The following PTPRU variants were observed in gnomAD, a reference collection of about 807,000 sequenced individuals.
PTPRU encodes protein tyrosine phosphatase receptor type U.
PTPRU carries 69 observed loss-of-function variants against 166.3 expected under a neutral mutation model. The ratio of observed to expected loss-of-function variants is 0.41; its 90% CI spans 0.34 to 0.51. PTPRU has a LOEUF of 0.51. Among genes scored for constraint, PTPRU ranks in the 20% least tolerant of loss-of-function variants. The pLI is 0.09. For synonymous variants in PTPRU, 793 were observed against 814.0 expected, an observed-to-expected ratio of 0.97 and a Z score of 0.44; for missense variants, 1,657 against 2,013.7, an observed-to-expected ratio of 0.82 and a Z score of 3.39.
At position 29,271,771 on chromosome 1, in the gene PTPRU, C is replaced by T. The variant is rs928629861; in HGVS notation, c.1145-3677C>T. ...TTTGCCGTGGTCTTTACCCAGCATACGTCCCCCGTTTACATGGAACTTCTC... is the reference window on the plus strand; with the variant it reads ...TTTGCCGTGGTCTTTACCCAGCATATGTCCCCCGTTTACATGGAACTTCTC... On this transcript the variant is annotated intron_variant, in intron 7 of 29. Coordinates refer to ENST00000373779, the MANE Select transcript of PTPRU (RefSeq NM_133178.4). The surrounding 1 kb of genome is among the most constrained non-coding windows in gnomAD (Gnocchi z 4.4). Among the ~76,000 whole-genome samples, 2 of 152,156 alleles carry T rather than the reference C, an allele frequency of 1.3e-5. No homozygotes were observed. Among genetic ancestry groups the T allele is most frequent in the African/African-American group, 2.4e-5 (1 of 41,416 alleles).
At chr1:29,267,764 A>T (rs1685368029) in intron 7 of PTPRU, among the ~76,000 whole-genome samples, 1 of 152,210 alleles carries the variant, frequency 6.6e-6, no homozygotes, top group South Asian at 2.1e-4. Flanking sequence ...AGTGAGCATC[A>T]TCTACTTTTG....
At chr1:29,305,472 G>C in intron 18 of PTPRU, 44 bp downstream of exon 18, 1 of 1,573,410 alleles carries the variant, frequency 6.4e-7, no homozygotes, top group Non-Finnish European at 8.7e-7. Flanking sequence ...GGCCCTGCCC[G>C]CTCCAGGCTT....
At chr1:29,305,610 G>A (rs1687356372) in intron 18 of PTPRU, 182 bp downstream of exon 18, 1 of 777,938 alleles carries the variant, frequency 1.3e-6, no homozygotes, top group Non-Finnish European at 2.3e-6. Flanking sequence ...AGCAGCTTCT[G>A]GAAGGCTTTC....
intron 7 of PTPRU, among the ~76,000 whole-genome samples, chr1:29,269,219 C>CATAT (rs1239721913): frequency 8.5e-3 from 361 of 42,362 alleles, no homozygotes; most frequent in East Asian, 0.014. Context: ...AATTTATATA[C>CATAT]ATATATATAT....
Position 29,316,072 on chromosome 1 carries a change from G to A in PTPRU, c.3434G>A (p.Ser1145Asn). 1 of 1,614,180 alleles carries A rather than the reference G, an allele frequency of 6.2e-7. No individual in the cohort carries two copies. The highest frequency in any genetic ancestry group is 8.5e-7 in the Non-Finnish European group (1 of 1,180,016). The change falls in exon 24 of 30, where the codon AGT becomes AAT. Residue 1145 changes from serine to asparagine, a missense_variant. This residue lies in a region of PTPRU where 1,190 missense variants were observed against 1,477.4 expected (regional missense o/e 0.81). Transcript: ENST00000373779. Reference sequence around the variant, plus strand: ...TGTGGGGAGACCACCATCCCTGTCAGTGAGTTCAAGGCCACCTACAAGGAG... The same window carrying A: ...TGTGGGGAGACCACCATCCCTGTCAATGAGTTCAAGGCCACCTACAAGGAG... ...CLCGETTIPV[S>N]EFKATYKEMI...
Position 29,320,557 on chromosome 1 carries a change from C to A in PTPRU, c.3688-128C>A. 1 of 1,127,250 alleles carries A rather than the reference C, an allele frequency of 8.9e-7. No individual in the cohort carries two copies. The highest frequency in any genetic ancestry group is 1.2e-6 in the Non-Finnish European group (1 of 840,712). 69.8% of individuals were successfully genotyped at this position (1,127,250 alleles called of 1,614,324 possible). A position where few individuals can be genotyped will look rare whatever the true frequency, so the allele number is the denominator to read the frequency against. ...AACATCAGAAATGGCCCACTGGAGG[C>A]AGCCTGGTCCTGTGGGGCACAACCG... On this transcript the variant is annotated intron_variant, in intron 25 of 29. Transcript: ENST00000373779. The surrounding 1 kb of genome is among the most constrained non-coding windows in gnomAD (Gnocchi z 5.2).
chr1:29,306,919 A>G (rs144688378), intron 18 of PTPRU, among the ~76,000 whole-genome samples: 1 of 152,214 alleles, frequency 6.6e-6, no homozygotes, highest in Non-Finnish European at 1.5e-5. Flanking sequence ...TGGTCTTGCC[A>G]AGGTCCCAGT....
intron 1 of PTPRU, among the ~76,000 whole-genome samples, chr1:29,240,709 C>T (rs1394228086): frequency 6.6e-6 from 1 of 152,172 alleles, no homozygotes; most frequent in African/African-American, 2.4e-5. Flanking sequence ...GCCCTTCCAG[C>T]CCCCAGTCTC....
Position 29,260,746 on chromosome 1 carries a change from G to A in PTPRU, c.987G>A (p.Gly329=), listed in dbSNP as rs573346927. 2.5e-4 allele frequency: 395 copies of A among 1,611,854 alleles called. 5 individuals carry two copies. The South Asian group carries it at 4.1e-3, about 17-fold the overall frequency. Residue 329 remains glycine, a synonymous_variant, in exon 7 of 30, where the codon GGG becomes GGA. Transcript: ENST00000373779. The surrounding 1 kb of genome is among the most constrained non-coding windows in gnomAD (Gnocchi z 8.3). ...RKEIEYRMAR[G]PWAEVHAVSL... Reference sequence around the variant, plus strand: ...AGATTGAGTACCGCATGGCGCGCGGGCCCTGGGCTGAGGTGCACGCCGTCA... The same window carrying A: ...AGATTGAGTACCGCATGGCGCGCGGACCCTGGGCTGAGGTGCACGCCGTCA...
In PTPRU at chr1:29,304,848, C is replaced by T. The variant is rs372729717; in HGVS notation, c.2742C>T (p.Ala914=). ...VKGSRQEPMP[A]YDRHRVKLHP... ...GCAGCCGGCAGGAGCCAATGCCTGC[C>T]TGTGAGTCCTGGGGAAGGGCCTGGG... The change falls in exon 17 of 30, where the codon GCC becomes GCT. Residue 914 remains alanine (A), a splice_region_variant and synonymous_variant. Coordinates refer to ENST00000373779, the MANE Select transcript of PTPRU (RefSeq NM_133178.4). The T allele has an allele frequency of 4.1e-5, 66 of 1,609,730 alleles. No individual in the cohort carries two copies. Among genetic ancestry groups the T allele is most frequent in the Admixed American group, 2.3e-4 (14 of 59,928 alleles).
At chr1:29,243,346 C>T (rs1480904684) in intron 1 of PTPRU, among the ~76,000 whole-genome samples, 3 of 152,246 alleles carry the variant, frequency 2.0e-5, no homozygotes. Context: ...ACATGAGGCC[C>T]TGCATGACCA....
intron 2 of PTPRU, 71 bp from the exon 3 acceptor site, chr1:29,258,434 C>T: frequency 6.6e-7 from 1 of 1,523,016 alleles, no homozygotes; most frequent in Non-Finnish European, 8.9e-7. Context: ...CTCCTCAGTG[C>T]TCCCCTTGCC....
intron 7 of PTPRU, among the ~76,000 whole-genome samples, chr1:29,268,592 C>T (rs983736578): frequency 6.6e-6 from 1 of 152,204 alleles, no homozygotes; most frequent in Non-Finnish European, 1.5e-5. Flanking sequence ...GTTGGAAAGC[C>T]TGAACCTTGG....
rs555554046 is a variant in PTPRU, at chr1:29,320,317, A to G, written c.3688-368A>G. 4.3e-4 allele frequency: 82 copies of G among 191,428 alleles called. No individual in the cohort carries two copies. The highest frequency in any genetic ancestry group is 1.8e-3 in the African/African-American group (76 of 43,212). 11.9% of individuals were successfully genotyped at this position (191,428 alleles called of 1,614,324 possible). On this transcript the variant is annotated intron_variant, in intron 25 of 29. Transcript: ENST00000373779. The surrounding 1 kb of genome is among the most constrained non-coding windows in gnomAD (Gnocchi z 5.2). ...AAGTGAGGGAGACAGCCATATAGACATTTGGGAAATTTGGCCTAGGCAGCC... is the reference window on the plus strand; with the variant it reads ...AAGTGAGGGAGACAGCCATATAGACGTTTGGGAAATTTGGCCTAGGCAGCC...
rs138841821 is a variant in PTPRU, at chr1:29,284,857, T to C, written c.2306T>C (p.Ile769Thr). The C allele has an allele frequency of 2.0e-4, 323 of 1,612,278 alleles. No homozygotes were observed. The highest frequency in any genetic ancestry group is 2.8e-4 in the Admixed American group (17 of 59,890). ...LILLLGAIIV[I>T]IRKGKPVNMT... ...CTTCTCCTGGGTGCCATCATTGTCA[T>C]CATCCGCAAAGGGTGAGTGAGGCCG... Residue 769 changes from isoleucine to threonine, a missense_variant, in exon 14 of 30, where the codon ATC becomes ACC. Physicochemically the swap from Ile to Thr is moderately conservative, Grantham distance 89. Transcript: ENST00000373779.
chr1:29,307,631 A>G (rs937636796), intron 18 of PTPRU, among the ~76,000 whole-genome samples: 5 of 152,226 alleles, frequency 3.3e-5, no homozygotes, highest in African/African-American at 1.2e-4. Context: ...CTAGTGTTCA[A>G]ATACCTTCAT....
chr1:29,281,907 T>G (rs778759501), intron 11 of PTPRU, among the ~76,000 whole-genome samples: 8 of 152,220 alleles, frequency 5.3e-5, no homozygotes, highest in Non-Finnish European at 1.2e-4. Flanking sequence ...ACTTATTTAC[T>G]CTCCACTTTG....
chr1:29,254,811 G>T (rs187047929), intron 1 of PTPRU, among the ~76,000 whole-genome samples: 5 of 152,284 alleles, frequency 3.3e-5, no homozygotes. Context: ...TAACAATCCG[G>T]AGATCTCAGT....
intron 1 of PTPRU, among the ~76,000 whole-genome samples, chr1:29,245,791 T>C (rs1684270287): frequency 6.6e-6 from 1 of 152,144 alleles, no homozygotes; most frequent in South Asian, 2.1e-4. Context: ...GCGGAGCTGC[T>C]CACACTGCAC....
Sources: allele counts gnomAD v4.1 joint callset (sites outside exome capture counted in the v4.1 genomes callset), GRCh38; gene constraint gnomAD v4.1.1; regional missense constraint gnomAD v4.1.1; non-coding constraint Gnocchi (gnomAD v3.1); transcripts MANE v1.5; gene names NCBI Gene and HGNC (gene_info 2026-07-23, HGNC 2026-07-21).